The following MEGF9 variants were observed in gnomAD, a reference collection of about 807,000 sequenced individuals.
MEGF9 encodes multiple epidermal growth factor-like domains protein 9.
In MEGF9, 6 loss-of-function variants were observed where a neutral mutation model predicts 46.8. That is an observed-to-expected ratio of 0.13 (90% CI 0.07 to 0.25). MEGF9 has a LOEUF of 0.25. MEGF9 is among the 10% of genes least tolerant of loss of function. The pLI is 1.00. For synonymous variants in MEGF9, 302 were observed against 330.7 expected (o/e 0.91, Z 0.94); for missense variants, 683 against 792.4 (o/e 0.86, Z 1.66).
chr9:120,624,589 C>T (rs980324834), intron 2 of MEGF9, among the ~76,000 whole-genome samples: 9 of 151,994 alleles, frequency 5.9e-5, no homozygotes, highest in Admixed American at 5.2e-4. Flanking sequence ...AAATATAGGC[C>T]GGGCGTGGTG....
At chr9:120,613,319 T>C (rs895394734) in intron 3 of MEGF9, among the ~76,000 whole-genome samples, 1 of 152,068 alleles carries the variant, frequency 6.6e-6, no homozygotes, top group South Asian at 2.1e-4. Flanking sequence ...TGCGAGGGTA[T>C]AGGGGAATTT....
intron 1 of MEGF9, among the ~76,000 whole-genome samples, chr9:120,674,291 A>G (rs1464552583): frequency 6.6e-6 from 1 of 152,200 alleles, no homozygotes; most frequent in Admixed American, 6.5e-5. Flanking sequence ...TGAAAACCCA[A>G]CAATAAGGAA....
intron 2 of MEGF9, among the ~76,000 whole-genome samples, chr9:120,628,458 T>G (rs2043535388): frequency 6.7e-6 from 1 of 149,778 alleles, no homozygotes; most frequent in South Asian, 2.1e-4. Context: ...AGACAGAAAT[T>G]CTTGTCGTTG....
chr9:120,712,566 C>A (rs748328680), intron 1 of MEGF9, among the ~76,000 whole-genome samples: 5 of 152,182 alleles, frequency 3.3e-5, no homozygotes, highest in Non-Finnish European at 5.9e-5. Context: ...AAGAGATGCA[C>A]ACTTGGCTTT....
Position 120,714,115 on chromosome 9 carries a change from G to T in MEGF9, c.244C>A (p.Pro82Thr). Residue 82 changes from proline to threonine, a missense_variant, in exon 1 of 6, where the codon CCC becomes ACC. Pro to Thr is a conservative substitution (Grantham distance 38, BLOSUM62 -1). Coordinates refer to ENST00000373930, the MANE Select transcript of MEGF9 (RefSeq NM_001080497.3). Reference sequence around the variant, plus strand: ...GGTCGGTGGACGGTGGCGCGCGGGGGCCCGGTCCTCGGGGCCTGGGCCGTG... The same window carrying T: ...GGTCGGTGGACGGTGGCGCGCGGGGTCCCGGTCCTCGGGGCCTGGGCCGTG... ...APTAQAPRTG[P>T]PRATVHRPLA... 2 of 1,244,332 alleles carry T rather than the reference G, an allele frequency of 1.6e-6. No individual in the cohort carries two copies. The highest frequency in any genetic ancestry group is 2.0e-6 in the Non-Finnish European group (2 of 994,090). 77.1% of individuals were successfully genotyped at this position (1,244,332 alleles called of 1,614,324 possible).
Position 120,607,727 on chromosome 9 carries a change from A to G in MEGF9, c.1357+14T>C. The G allele has an allele frequency of 1.2e-6, 2 of 1,605,510 alleles. No individual in the cohort carries two copies. The highest frequency in any genetic ancestry group is 1.7e-6 in the Non-Finnish European group (2 of 1,172,576). On this transcript the variant is annotated intron_variant, in intron 5 of 5. Transcript: ENST00000373930. ...TTAGATATTAAATTTACAATCACTT[A>G]GGTGAAGTTTTACCTTTCTTGATGC...
chr9:120,657,519 C>G (rs1181357198), intron 2 of MEGF9, among the ~76,000 whole-genome samples: 2 of 152,142 alleles, frequency 1.3e-5, no homozygotes, highest in East Asian at 3.8e-4. Context: ...TAGAAGTAAA[C>G]ACTTTTCTAT....
At chr9:120,614,267 C>T (rs2043461786) in intron 3 of MEGF9, among the ~76,000 whole-genome samples, 2 of 152,286 alleles carry the variant, frequency 1.3e-5, no homozygotes, top group Middle Eastern at 3.4e-3. Flanking sequence ...AAGTGATGCG[C>T]CCATGTAGGC....
rs1554795117 is a variant in MEGF9 at position 120,625,853 on chromosome 9, A to AAAAG, written c.804-3102_804-3099dup. Among the ~76,000 whole-genome samples the AAAAG allele has an allele frequency of 4.9e-3, 518 of 105,952 alleles. 8 individuals are homozygous for AAAAG. The highest frequency in any genetic ancestry group is 0.011 in the African/African-American group (314 of 29,452). The allele number at this position is 105,952 out of a possible 152,430, so 69.5% of individuals were successfully genotyped here. A position where few individuals can be genotyped will look rare whatever the true frequency, so the allele number is the denominator to read the frequency against. ...TCTCACAAAAAAAAAAAAAAAAAAA[A>AAAAG]AAAGAAAGAAAAGAAATCACTCAGC... On this transcript the variant is annotated intron_variant, in intron 2 of 5. Transcript: ENST00000373930.
intron 1 of MEGF9, among the ~76,000 whole-genome samples, chr9:120,681,716 G>A (rs2043799442): frequency 6.6e-6 from 1 of 152,156 alleles, no homozygotes; most frequent in African/African-American, 2.4e-5. Context: ...TAGAGTAGCT[G>A]TTATGTTGGT....
At chr9:120,614,875 A>T (rs1156253574) in intron 3 of MEGF9, among the ~76,000 whole-genome samples, 1 of 152,022 alleles carries the variant, frequency 6.6e-6, no homozygotes, top group African/African-American at 2.4e-5. Flanking sequence ...CTTTGTGCAT[A>T]GCTGATGTGA....
intron 1 of MEGF9, among the ~76,000 whole-genome samples, chr9:120,696,940 T>C (rs1399875227): frequency 6.6e-6 from 1 of 152,224 alleles, no homozygotes; most frequent in Non-Finnish European, 1.5e-5. Flanking sequence ...GGATCTATAG[T>C]TGAATAACAG....
In MEGF9 at chr9:120,622,606, A is replaced by G. The variant is rs1290491100; in HGVS notation, c.943+10T>C. The G allele has an allele frequency of 1.9e-6, 3 of 1,613,034 alleles. No individual in the cohort carries two copies. The South Asian group carries it at 3.3e-5, about 18-fold the overall frequency. The stretch of plus-strand genomic sequence containing the variant: ...AATAATTACATGACAAAGTTAAGGA[A>G]AGTACGTACCTGTGAGGGCATCGCA... On this transcript the variant is annotated intron_variant, in intron 3 of 5. Coordinates refer to ENST00000373930, the MANE Select transcript of MEGF9 (RefSeq NM_001080497.3).
chr9:120,642,110 A>G (rs187930162), intron 2 of MEGF9, among the ~76,000 whole-genome samples: 1 of 152,306 alleles, frequency 6.6e-6, no homozygotes, highest in East Asian at 1.9e-4. Context: ...TCTGACACCC[A>G]AACCACAGAC....
intron 2 of MEGF9, among the ~76,000 whole-genome samples, chr9:120,645,286 G>A (rs1564419172): frequency 1.3e-5 from 2 of 152,210 alleles, no homozygotes; most frequent in Admixed American, 6.5e-5. Context: ...TGAAGGAGCT[G>A]ATTGTTAAGA....
At chr9:120,666,158 C>T in intron 1 of MEGF9, among the ~76,000 whole-genome samples, 1 of 152,092 alleles carries the variant, frequency 6.6e-6, no homozygotes, top group African/African-American at 2.4e-5. Flanking sequence ...TGCATTAAAT[C>T]TATAAATTGC....
Position 120,629,035 on chromosome 9 carries a change from G to C in MEGF9, c.804-6280C>G, listed in dbSNP as rs1040013573. On this transcript the variant is annotated intron_variant, in intron 2 of 5. Coordinates refer to ENST00000373930, the MANE Select transcript of MEGF9 (RefSeq NM_001080497.3). ...GTGTTGCCCAGGCTGGAGTGCAGTG[G>C]TGCGATCACAGCTCACTGCAGCCTC... is the stretch of plus-strand genomic sequence containing the variant. Among the ~76,000 whole-genome samples the C allele has an allele frequency of 2.0e-5, 3 of 152,178 alleles. No individual in the cohort carries two copies. The East Asian group carries it at 5.8e-4, about 30-fold the overall frequency.
intron 1 of MEGF9, among the ~76,000 whole-genome samples, chr9:120,702,193 G>C (rs923981093): frequency 1.3e-5 from 2 of 152,148 alleles, no homozygotes; most frequent in Non-Finnish European, 2.9e-5. Flanking sequence ...CATTCCTACT[G>C]TATGTTCAAG....
intron 1 of MEGF9, among the ~76,000 whole-genome samples, chr9:120,670,968 C>G (rs987929813): frequency 2.0e-5 from 3 of 152,182 alleles, no homozygotes; most frequent in African/African-American, 7.2e-5. Flanking sequence ...AGACTGCCTC[C>G]TTTTCTTCAC....
Sources: gnomAD v4.1 joint callset for allele counts (sites outside exome capture counted in the v4.1 genomes callset) on GRCh38, gnomAD v4.1.1 for gene constraint, MANE v1.5 for transcripts, NCBI Gene and HGNC (gene_info 2026-07-23, HGNC 2026-07-21) for gene names.